Variants in NOP14 observed in about 807,000 individuals in gnomAD.
NOP14 encodes nucleolar protein 14.
In NOP14, 57 loss-of-function variants were observed where a neutral mutation model predicts 101.6. The observed-to-expected ratio is 0.56, with a 90% CI of 0.45 to 0.70. The LOEUF (loss-of-function observed/expected upper bound fraction) is 0.70, where lower values mean the gene tolerates loss of function less well. Among genes scored for constraint, NOP14 ranks in the 30% least tolerant of loss-of-function variants. The pLI, the probability that NOP14 is intolerant of heterozygous loss-of-function variation, is 0.00. For missense variants in NOP14, 1,134 were observed against 1,075.5 expected (o/e 1.05, Z -0.76); for synonymous variants, 428 against 424.0 (o/e 1.01, Z -0.12).
In NOP14 at chr4:2,949,926, T is replaced by G; in HGVS notation, c.1282+8A>C. 6.2e-7 allele frequency: 1 copy of G among 1,613,968 alleles called. No individual in the cohort carries two copies. ...CCAGAACCTGAGGAAACCCGCGCACTTGCCCACCTGCGAACGTGTAGGGCA... is the reference window on the plus strand; with the variant it reads ...CCAGAACCTGAGGAAACCCGCGCACGTGCCCACCTGCGAACGTGTAGGGCA... On this transcript the variant is annotated splice_region_variant and intron_variant, in intron 8 of 17. Coordinates refer to ENST00000416614, the MANE Select transcript of NOP14 (RefSeq NM_001291978.2).
intron 1 of NOP14, among the ~76,000 whole-genome samples, chr4:2,961,113 TATATTAATATTATA>T (rs1560311877): frequency 6.0e-4 from 58 of 96,530 alleles, no homozygotes; most frequent in African/African-American, 2.8e-3. Context: ...ATTTTAATAA[TATATTAATATTATA>T]ATAATATATT....
intron 15 of NOP14, 65 bp from the exon 16 acceptor site, chr4:2,939,710 C>T (rs1040989467): frequency 2.9e-5 from 36 of 1,244,384 alleles, no homozygotes; most frequent in African/African-American, 8.8e-5. Flanking sequence ...GCTCCACGCA[C>T]GGGTTCTGTG....
At chr4:2,947,651 G>T in intron 9 of NOP14, 40 bp from the exon 10 acceptor site, 1 of 1,523,998 alleles carries the variant, frequency 6.6e-7, no homozygotes, top group Non-Finnish European at 9.1e-7. Context: ...TCAGTGCTCA[G>T]CACCAAGAAC....
chr4:2,944,319 A>T (rs1714447677), intron 12 of NOP14, 93 bp from the exon 13 acceptor site: 1 of 1,127,004 alleles, frequency 8.9e-7, no homozygotes, highest in Non-Finnish European at 1.3e-6. Context: ...CACGCACCCC[A>T]CTGAGCTTCA....
chr4:2,962,991 A>T, intron 1 of NOP14, 134 bp downstream of exon 1: 1 of 874,472 alleles, frequency 1.1e-6, no homozygotes, highest in Non-Finnish European at 1.6e-6. Context: ...TCGGACTATC[A>T]AGTCAGTGCC....
chr4:2,939,732 G>C, intron 15 of NOP14, 87 bp from the exon 16 acceptor site: 1 of 1,021,558 alleles, frequency 9.8e-7, no homozygotes, highest in Non-Finnish European at 1.5e-6. Context: ...TGTCAAGGCA[G>C]CGTGAGGACA....
At chr4:2,952,109 GAAAA>G (rs34128991) in intron 6 of NOP14, among the ~76,000 whole-genome samples, 162 bp downstream of exon 6, 1 of 111,190 alleles carries the variant, frequency 9.0e-6, no homozygotes. Flanking sequence ...CTGTCTCAAA[GAAAA>G]AAAAAAAAAA....
At chr4:2,942,501 G>C in intron 13 of NOP14, 150 bp from the exon 14 acceptor site, 1 of 838,696 alleles carries the variant, frequency 1.2e-6, no homozygotes, top group East Asian at 2.7e-5. Flanking sequence ...GAGGGTTTCA[G>C]CGTGGGCAGG....
chr4:2,945,302 C>G (rs1195736178), intron 11 of NOP14, 73 bp from the exon 12 acceptor site: 19 of 1,127,050 alleles, frequency 1.7e-5, no homozygotes, highest in African/African-American at 6.2e-5. Flanking sequence ...CGCAAACACT[C>G]CGGAGCCAAG....
rs117351251 is a variant in NOP14, at chr4:2,945,457, A to G, written c.1636-228T>C. On this transcript the variant is annotated intron_variant, in intron 11 of 17. Coordinates refer to ENST00000416614, the MANE Select transcript of NOP14 (RefSeq NM_001291978.2). ...GCCCATGAAGACTTCAAAGCAGTCAACAATGGTTATAGACACGGGCTCAGA... is the reference window on the plus strand; with the variant it reads ...GCCCATGAAGACTTCAAAGCAGTCAGCAATGGTTATAGACACGGGCTCAGA... Among the ~76,000 whole-genome samples, 25 of 152,346 alleles carry G rather than the reference A, an allele frequency of 1.6e-4. No homozygotes were observed. The East Asian group carries it at 4.6e-3, about 28-fold the overall frequency.
intron 1 of NOP14, among the ~76,000 whole-genome samples, chr4:2,960,127 G>A (rs1349020052): frequency 6.6e-6 from 1 of 152,036 alleles, no homozygotes; most frequent in Non-Finnish European, 1.5e-5. Context: ...ACGCTGCCAC[G>A]CCCAGCTAAT....
chr4:2,939,691 G>A (rs1263337), intron 15 of NOP14, 46 bp from the exon 16 acceptor site: 153,593 of 1,431,934 alleles, frequency 0.11, 9,664 homozygotes, highest in Admixed American at 0.22. Flanking sequence ...CACCTGCTGC[G>A]TGCCCTGAGC....
Position 2,956,801 on chromosome 4 carries a change from T to A in NOP14, c.341A>T (p.Glu114Val). 1 of 1,600,464 alleles carries A rather than the reference T, an allele frequency of 6.2e-7. No homozygotes were observed. The highest frequency in any genetic ancestry group is 1.3e-5 in the African/African-American group (1 of 74,106). Residue 114 changes from glutamate (E) to valine (V), a missense_variant, in exon 3 of 18, where the codon GAG becomes GTG. By Grantham distance (121) the Glu-to-Val change is moderately radical (BLOSUM62 -2). Coordinates refer to ENST00000416614, the MANE Select transcript of NOP14 (RefSeq NM_001291978.2). The stretch of plus-strand genomic sequence containing the variant: ...ATTTAGATTGTAGATGCTTTTTTTC[T>A]CATGATGTCGCTGACAGAAGAGAAA... ...RFALEQQRHHEKKSIYNLNED... is the reference protein window; with the variant it reads ...RFALEQQRHHVKKSIYNLNED...
Position 2,946,465 on chromosome 4 carries a change from T to A in NOP14, c.1582A>T (p.Met528Leu). ...KFVLRDAMHEMEEMIETKGRA... is the reference protein window; with the variant it reads ...KFVLRDAMHELEEMIETKGRA... ...CCTTTGGTCTCAATCATTTCTTCCA[T>A]CTCATGCATCGCATCTCGGAGAACA... Residue 528 changes from methionine (M) to leucine (L), a missense_variant, in exon 11 of 18, where the codon ATG becomes TTG. Coordinates refer to ENST00000416614, the MANE Select transcript of NOP14 (RefSeq NM_001291978.2). The A allele has an allele frequency of 6.2e-7, 1 of 1,614,226 alleles. No individual in the cohort carries two copies. The highest frequency in any genetic ancestry group is 8.5e-7 in the Non-Finnish European group (1 of 1,180,036).
chr4:2,959,510 G>A (rs980141263), intron 1 of NOP14, among the ~76,000 whole-genome samples: 7 of 152,070 alleles, frequency 4.6e-5, no homozygotes, highest in Admixed American at 3.9e-4. Context: ...GGAGAATGGC[G>A]TGAACCCGGG....
Position 2,945,138 on chromosome 4 carries a change from A to G in NOP14, c.1727T>C (p.Leu576Pro), listed in dbSNP as rs1327025997. The G allele has an allele frequency of 1.3e-6, 2 of 1,586,674 alleles. No individual in the cohort carries two copies. Among genetic ancestry groups the G allele is most frequent in the Admixed American group, 1.8e-5 (1 of 55,602 alleles). The change falls in exon 12 of 18, where the codon CTG becomes CCG. Residue 576 changes from leucine to proline, a missense_variant. Coordinates refer to ENST00000416614, the MANE Select transcript of NOP14 (RefSeq NM_001291978.2). ...GTGGAGAGAACGCACCTTGGTGAGC[A>G]GCTGACTGAGGCACACGAGGGCAGG... ...VTPALVCLSQ[L>P]LTKCPILSLQ...
At chr4:2,961,380 A>C (rs1393470125) in intron 1 of NOP14, 1 of 49,728 alleles carries the variant, frequency 2.0e-5, no homozygotes, top group African/African-American at 7.0e-5. Flanking sequence ...GCACAGCTAT[A>C]AAGCAATGTC....
chr4:2,957,207 G>A (rs760746281), intron 2 of NOP14, among the ~76,000 whole-genome samples: 1 of 151,944 alleles, frequency 6.6e-6, no homozygotes, highest in Non-Finnish European at 1.5e-5. Flanking sequence ...TCATCACGTT[G>A]GCCAGGATGG....
chr4:2,948,179 A>T, intron 9 of NOP14, 99 bp downstream of exon 9: 2 of 1,412,956 alleles, frequency 1.4e-6, no homozygotes, highest in Non-Finnish European at 1.9e-6. Context: ...ATCTGGCCTG[A>T]GGCACACATG....
Sources: gnomAD v4.1 joint callset for allele counts (sites outside exome capture counted in the v4.1 genomes callset) on GRCh38, gnomAD v4.1.1 for gene constraint, MANE v1.5 for transcripts, NCBI Gene and HGNC (gene_info 2026-07-23, HGNC 2026-07-21) for gene names.